FBXO11: variants seen among roughly 807,000 people sequenced by gnomAD.
FBXO11 encodes F-box only protein 11.
A neutral mutation model predicts 117.0 loss-of-function variants in FBXO11; 13 were observed. The observed-to-expected ratio is 0.11, with a 90% CI of 0.07 to 0.18. FBXO11 has a LOEUF of 0.18. Ranked by LOEUF, FBXO11 falls within the 10% of genes least tolerant of loss-of-function variation. The probability of loss-of-function intolerance (pLI) is 1.00; values close to 1 mark genes in which losing one functional copy is unlikely to be tolerated. For missense variants in FBXO11, 767 were observed against 1,164.4 expected, an observed-to-expected ratio of 0.66 and a Z score of 4.97; for synonymous variants, 490 against 380.5, an observed-to-expected ratio of 1.29 and a Z score of -3.35.
rs145451226 is a variant in FBXO11, at chr2:47,882,886, C to T, written c.232+22603G>A. Among the ~76,000 whole-genome samples, 726 of 152,188 alleles carry T rather than the reference C, an allele frequency of 4.8e-3. 4 individuals carry two copies. Among genetic ancestry groups the T allele is most frequent in the African/African-American group, 0.017 (701 of 41,522 alleles). ...CTGGTCTCAAACTCCTGAGCTCAAG[C>T]GATCTCCCTGTCTCAGCCTCCCAAA... On this transcript the variant is annotated intron_variant, in intron 1 of 22. Transcript: ENST00000403359.
At chr2:47,863,055 C>CAAAAAAAAAAAAAAAA in intron 1 of FBXO11, among the ~76,000 whole-genome samples, 1 of 73,952 alleles carries the variant, frequency 1.4e-5, no homozygotes, top group Admixed American at 1.6e-4. Context: ...AACTGTGTCT[C>CAAAAAAAAAAAAAAAA]AAAAAAAAAA....
intron 1 of FBXO11, among the ~76,000 whole-genome samples, chr2:47,840,610 A>G (rs1439889024): frequency 6.6e-6 from 1 of 151,546 alleles, no homozygotes; most frequent in African/African-American, 2.4e-5. Flanking sequence ...ACCACCACCC[A>G]GCTAACTAAA....
chr2:47,826,599 T>C (rs1436902646), intron 11 of FBXO11, among the ~76,000 whole-genome samples: 1 of 152,204 alleles, frequency 6.6e-6, no homozygotes, highest in Non-Finnish European at 1.5e-5. Context: ...TTGTATCCTT[T>C]CAGTGTAGTT....
At chr2:47,809,731 T>G in intron 19 of FBXO11, 24 bp from the exon 20 acceptor site, 2 of 1,474,294 alleles carry the variant, frequency 1.4e-6, no homozygotes, top group Non-Finnish European at 9.5e-7. Flanking sequence ...TACAAACAAG[T>G]AGATACATCA....
At chr2:47,809,421 G>T in intron 20 of FBXO11, 155 bp from the exon 21 acceptor site, 1 of 687,820 alleles carries the variant, frequency 1.5e-6, no homozygotes, top group Middle Eastern at 4.0e-4. Flanking sequence ...GCTAAGAATA[G>T]AATTTTCCTT....
At chr2:47,847,132 C>G (rs1673480628) in intron 1 of FBXO11, among the ~76,000 whole-genome samples, 1 of 152,158 alleles carries the variant, frequency 6.6e-6, no homozygotes, top group African/African-American at 2.4e-5. Flanking sequence ...GTAATCCCAG[C>G]TACTCAGGAG....
intron 1 of FBXO11, among the ~76,000 whole-genome samples, chr2:47,885,035 G>A (rs1676715523): frequency 6.6e-6 from 1 of 152,084 alleles, no homozygotes; most frequent in Admixed American, 6.5e-5. Context: ...AAAGCATTCA[G>A]GACAGTGAAT....
chr2:47,849,021 T>C (rs529380292), intron 1 of FBXO11, among the ~76,000 whole-genome samples: 20 of 152,296 alleles, frequency 1.3e-4, no homozygotes, highest in African/African-American at 4.3e-4. Context: ...ACAGATCAGA[T>C]TGGAAACTTA....
At chr2:47,858,184 C>A (rs991939008) in intron 1 of FBXO11, among the ~76,000 whole-genome samples, 10 of 151,898 alleles carry the variant, frequency 6.6e-5, no homozygotes, top group Admixed American at 2.0e-4. Flanking sequence ...CAGTTCACTG[C>A]AACCTCTGTC....
intron 1 of FBXO11, among the ~76,000 whole-genome samples, chr2:47,841,348 G>T (rs536542936): frequency 6.6e-6 from 1 of 152,180 alleles, no homozygotes; most frequent in Non-Finnish European, 1.5e-5. Context: ...GTAATGAAGG[G>T]ATAATAAAAT....
chr2:47,872,278 C>T (rs993270430), intron 1 of FBXO11, among the ~76,000 whole-genome samples: 1 of 152,168 alleles, frequency 6.6e-6, no homozygotes, highest in Non-Finnish European at 1.5e-5. Context: ...TGGCAGTCAT[C>T]AAGGGATGGC....
intron 1 of FBXO11, among the ~76,000 whole-genome samples, chr2:47,880,465 TCTTGTTTACTTTTC>T (rs1235966752): frequency 8.5e-5 from 13 of 152,210 alleles, no homozygotes; most frequent in Non-Finnish European, 1.9e-4. Context: ...CTGGCTCCTT[TCTTGTTTACTTTTC>T]CTTATGAACT....
chr2:47,846,681 C>A (rs1017157231), intron 1 of FBXO11, among the ~76,000 whole-genome samples: 1 of 151,794 alleles, frequency 6.6e-6, no homozygotes, highest in Non-Finnish European at 1.5e-5. Context: ...TGTAATTTAG[C>A]TGCATTAAAA....
rs892676532 is a variant in FBXO11, at chr2:47,832,864, T to C, written c.1058A>G (p.Lys353Arg). 1 of 1,614,026 alleles carries C rather than the reference T, an allele frequency of 6.2e-7. No individual in the cohort carries two copies. Residue 353 changes from lysine to arginine, a missense_variant, in exon 9 of 23, where the codon AAA (lysine) becomes AGA (arginine). Around this residue, in one of 10 missense-constraint regions of FBXO11, gnomAD observed 123 missense variants for 145.0 expected, o/e 0.85. Coordinates refer to ENST00000403359, the MANE Select transcript of FBXO11 (RefSeq NM_001190274.2). ...GTGTGCATTGTGGTGTTGTGCAGAT[T>C]TGTCATCAGGGTTAAACTGAAAAGT... ...YMTIRFNPDD[K>R]SAQHHNAHHC... is the part of the protein sequence containing the mutation.
chr2:47,810,208 GCA>G (rs779324196), intron 19 of FBXO11, 106 bp downstream of exon 19: 68 of 690,786 alleles, frequency 9.8e-5, no homozygotes, highest in Non-Finnish European at 1.6e-4. Flanking sequence ...AGCCACTTCA[GCA>G]CACTTTGCAC....
At chr2:47,897,327 G>A (rs919013317) in intron 1 of FBXO11, among the ~76,000 whole-genome samples, 2 of 152,226 alleles carry the variant, frequency 1.3e-5, no homozygotes, top group Non-Finnish European at 2.9e-5. Flanking sequence ...ATTCAAGTCA[G>A]TTGGTTACAC....
intron 1 of FBXO11, among the ~76,000 whole-genome samples, chr2:47,879,527 G>A (rs1186725237): frequency 2.0e-5 from 3 of 152,114 alleles, no homozygotes; most frequent in African/African-American, 7.2e-5. Context: ...TAGCTTAAAA[G>A]CCACTTATAT....
intron 14 of FBXO11, among the ~76,000 whole-genome samples, chr2:47,819,506 G>A (rs572429811): frequency 6.6e-5 from 10 of 152,246 alleles, no homozygotes; most frequent in South Asian, 4.1e-4. Context: ...GAGCCACCGC[G>A]CCCGGCCAAC....
intron 1 of FBXO11, among the ~76,000 whole-genome samples, chr2:47,886,924 A>T (rs1251134282): frequency 6.6e-6 from 1 of 152,222 alleles, no homozygotes; most frequent in African/African-American, 2.4e-5. Context: ...CTGTGGTTCC[A>T]GCTAATCGAG....
Sources: gnomAD v4.1 joint callset for allele counts (sites outside exome capture counted in the v4.1 genomes callset) on GRCh38, gnomAD v4.1.1 for gene constraint, gnomAD v4.1.1 regional missense constraint, MANE v1.5 for transcripts, NCBI Gene and HGNC (gene_info 2026-07-23, HGNC 2026-07-21) for gene names.